The following C12orf42 variants were observed in gnomAD, a reference collection of about 807,000 sequenced individuals.
The protein encoded by C12orf42 is chromosome 12 open reading frame 42.
A neutral mutation model predicts 21.6 loss-of-function variants in C12orf42; 25 were observed. That is an observed-to-expected ratio of 1.16 (90% CI 0.84 to 1.62). C12orf42 has a LOEUF of 1.62. Among genes scored for constraint, C12orf42 ranks in the 40% most tolerant of loss-of-function variants. C12orf42 has a pLI of 0.00. For synonymous variants in C12orf42, 174 were observed against 175.0 expected (o/e 0.99, Z 0.05); for missense variants, 483 against 459.3 (o/e 1.05, Z -0.47).
chr12:103,508,142 A>T, the C12orf42 span, among the ~76,000 whole-genome samples: 1 of 152,192 alleles, frequency 6.6e-6, no homozygotes, highest in African/African-American at 2.4e-5. Context: ...CTATGATTTG[A>T]TGTATAATTT....
Position 103,252,276 on chromosome 12 carries a change from T to C in C12orf42, c.*1366+11050A>G, listed in dbSNP as rs143535075. ...CATATGTGTGCATAGGTCTTTATAG[T>C]AGAATTATTTATAATCCTTTGGGTA... On this transcript the variant is annotated intron_variant and NMD_transcript_variant, in intron 10 of 10. Coordinates refer to the C12orf42 transcript ENST00000547347. Among the ~76,000 whole-genome samples, 524 of 152,302 alleles carry C rather than the reference T, an allele frequency of 3.4e-3. 2 individuals are homozygous for C. The highest frequency in any genetic ancestry group is 0.012 in the African/African-American group (497 of 41,562).
the C12orf42 span, among the ~76,000 whole-genome samples, chr12:103,073,234 T>G: frequency 6.6e-6 from 1 of 152,234 alleles, no homozygotes; most frequent in African/African-American, 2.4e-5. Flanking sequence ...GGTACTGGGC[T>G]TAATGCCTGG....
At chr12:103,325,883 G>A (rs187057741) in intron 4 of C12orf42, among the ~76,000 whole-genome samples, 20 of 152,192 alleles carry the variant, frequency 1.3e-4, no homozygotes, top group African/African-American at 4.6e-4. Context: ...CATGCTTCCT[G>A]TGACAACTTA....
intron 2 of C12orf42, chr12:103,477,020 G>T (rs957871140): frequency 6.6e-6 from 1 of 152,072 alleles, no homozygotes; most frequent in African/African-American, 2.4e-5. Context: ...AAAAAAAAAT[G>T]TGATGTTAAG....
chr12:103,499,668 C>T (rs976838615), upstream of C12orf42, among the ~76,000 whole-genome samples: 1 of 152,192 alleles, frequency 6.6e-6, no homozygotes, highest in Non-Finnish European at 1.5e-5. Flanking sequence ...GAAATCCAAA[C>T]AGGATAAAAC....
intron 10 of C12orf42, among the ~76,000 whole-genome samples, chr12:103,256,113 C>CAT (rs2034592322): frequency 8.6e-5 from 2 of 23,176 alleles, no homozygotes; most frequent in Non-Finnish European, 8.6e-5. Context: ...TATATATATA[C>CAT]ACACACACAC....
At chr12:103,323,689 C>T (rs1474901483) in intron 4 of C12orf42, among the ~76,000 whole-genome samples, 1 of 152,172 alleles carries the variant, frequency 6.6e-6, no homozygotes, top group Non-Finnish European at 1.5e-5. Context: ...AAAGTAGATT[C>T]ATTACATTTG....
the C12orf42 span, among the ~76,000 whole-genome samples, chr12:103,142,381 C>G: frequency 8.0e-4 from 122 of 152,304 alleles, no homozygotes; most frequent in Non-Finnish European, 1.5e-3. Context: ...AAAAACAGAA[C>G]AGAACAAAGA....
At chr12:103,177,876 C>T in the C12orf42 span, among the ~76,000 whole-genome samples, 447 of 52,500 alleles carry the variant, frequency 8.5e-3, 16 homozygotes, top group South Asian at 0.11. Flanking sequence ...TGTGTGTGTG[C>T]GCGCGCGCTA....
At chr12:103,207,449 C>T in the C12orf42 span, among the ~76,000 whole-genome samples, 157 of 152,326 alleles carry the variant, frequency 1.0e-3, no homozygotes, top group African/African-American at 3.6e-3. Context: ...TGCGCACACA[C>T]GTGCGCGCGC....
intron 4 of C12orf42, among the ~76,000 whole-genome samples, chr12:103,294,606 AAG>A (rs900953233): frequency 1.3e-4 from 18 of 142,486 alleles, no homozygotes; most frequent in Non-Finnish European, 2.4e-4. Flanking sequence ...GAAAGAAAGA[AAG>A]AAAGAAAGAA....
intron 2 of C12orf42, among the ~76,000 whole-genome samples, chr12:103,452,558 T>C: frequency 6.6e-6 from 1 of 152,140 alleles, no homozygotes. Context: ...ATCATGCTAC[T>C]ATAAAGACAC....
chr12:103,223,329 GA>G, the C12orf42 span, among the ~76,000 whole-genome samples: 1 of 152,054 alleles, frequency 6.6e-6, no homozygotes, highest in Non-Finnish European at 1.5e-5. Flanking sequence ...ATATTGTGGG[GA>G]TGTTAGAAGA....
the C12orf42 span, among the ~76,000 whole-genome samples, chr12:103,533,931 C>T: frequency 6.6e-6 from 1 of 152,188 alleles, no homozygotes; most frequent in South Asian, 2.1e-4. Context: ...GTCTTAATTT[C>T]TCTAAGCCTC....
At chr12:103,265,409 G>A (rs547113705), downstream of C12orf42, among the ~76,000 whole-genome samples, 7 of 152,050 alleles carry the variant, frequency 4.6e-5, no homozygotes, top group East Asian at 1.9e-4. Context: ...TTCCTTCTAC[G>A]GAAATTATAG....
chr12:103,487,181 C>A (rs1320856897), intron 1 of C12orf42, among the ~76,000 whole-genome samples: 1 of 152,158 alleles, frequency 6.6e-6, no homozygotes, highest in African/African-American at 2.4e-5. Context: ...TTTCAAAGAA[C>A]ATCTTTATTT....
the C12orf42 span, among the ~76,000 whole-genome samples, chr12:103,182,814 T>TA: frequency 6.6e-6 from 1 of 152,362 alleles, no homozygotes; most frequent in East Asian, 1.9e-4. Flanking sequence ...CAACATTTTG[T>TA]AAAACAATGT....
intron 5 of C12orf42, among the ~76,000 whole-genome samples, chr12:103,274,400 A>G (rs762101996): frequency 1.3e-5 from 2 of 152,158 alleles, no homozygotes; most frequent in Non-Finnish European, 2.9e-5. Context: ...TGTAGCAAGC[A>G]TTAAATATGT....
intron 4 of C12orf42, among the ~76,000 whole-genome samples, chr12:103,325,209 T>C (rs181154544): frequency 6.6e-6 from 1 of 152,326 alleles, no homozygotes; most frequent in African/African-American, 2.4e-5. Flanking sequence ...CAGCTGGAAC[T>C]GGTGTTGGCA....
Sources: allele counts gnomAD v4.1 joint callset (sites outside exome capture counted in the v4.1 genomes callset), GRCh38; gene constraint gnomAD v4.1.1; transcripts MANE v1.5; gene names NCBI Gene and HGNC (gene_info 2026-07-23, HGNC 2026-07-21).